The following CDK15 variants were observed in gnomAD, a reference collection of about 807,000 sequenced individuals.
CDK15 encodes cyclin dependent kinase 15, also known as cyclin-dependent kinase 15.
Under a neutral mutation model 60.3 loss-of-function variants are expected in CDK15, and 62 were observed. The ratio of observed to expected loss-of-function variants is 1.03; its 90% CI spans 0.84 to 1.27. The LOEUF (loss-of-function observed/expected upper bound fraction) is 1.27. Among genes scored for constraint, CDK15 ranks in the 50% most tolerant of loss-of-function variants. CDK15 has a pLI of 0.00. For synonymous variants in CDK15, 194 were observed against 195.7 expected (o/e 0.99, Z 0.07); for missense variants, 541 against 527.8 (o/e 1.03, Z -0.25).
At chr2:201,831,335 T>TC (rs935683805) in intron 6 of CDK15, among the ~76,000 whole-genome samples, 5 of 152,102 alleles carry the variant, frequency 3.3e-5, no homozygotes, top group African/African-American at 1.2e-4. Context: ...ATTATTTTGT[T>TC]CCCCCAAAAC....
chr2:201,833,773 A>G, intron 6 of CDK15, 75 bp from the exon 7 acceptor site: 1 of 1,386,508 alleles, frequency 7.2e-7, no homozygotes, highest in African/African-American at 1.6e-5. Flanking sequence ...CTTTGAGATG[A>G]CTGTTTTTGA....
In CDK15 at chr2:201,807,592, G is replaced by A; in HGVS notation, c.222G>A (p.Arg74=). The A allele has an allele frequency of 6.2e-7, 1 of 1,614,198 alleles. No individual in the cohort carries two copies. The highest frequency in any genetic ancestry group is 1.6e-4 in the Middle Eastern group (1 of 6,062). ...AGAAGTTCAAGAGTAAAAGGCCACG[G>A]AGTAACAGTGATTGTTTTCAGGAAG... The part of the protein sequence containing the change: ...RAQKFKSKRP[R]SNSDCFQEED... The change falls in exon 2 of 14, where the codon CGG becomes CGA. Residue 74 remains arginine, a synonymous_variant. Transcript: ENST00000652192.
chr2:201,866,189 G>T (rs986555588), intron 10 of CDK15, among the ~76,000 whole-genome samples: 1 of 152,088 alleles, frequency 6.6e-6, no homozygotes, highest in Non-Finnish European at 1.5e-5. Flanking sequence ...AGAATGCATT[G>T]TATTCAGGAA....
Position 201,870,339 on chromosome 2 carries a change from A to G in CDK15, c.1010-1939A>G, listed in dbSNP as rs76105798. Among the ~76,000 whole-genome samples the G allele has an allele frequency of 3.8e-4, 58 of 152,270 alleles. No individual in the cohort carries two copies. The East Asian group carries it at 9.4e-3, about 25-fold the overall frequency. ...ATTATCAAATTAATTTTTGCCCAAC[A>G]TGATTAAATTCTTTGTTGTGATGAA... On this transcript the variant is annotated intron_variant, in intron 10 of 13. Transcript: ENST00000652192.
At chr2:201,873,340 T>C (rs1371828480) in intron 11 of CDK15, among the ~76,000 whole-genome samples, 1 of 152,138 alleles carries the variant, frequency 6.6e-6, no homozygotes, top group East Asian at 1.9e-4. Context: ...CTGAAACCTT[T>C]TGGAGACAGG....
intron 12 of CDK15, among the ~76,000 whole-genome samples, chr2:201,881,391 C>T (rs567861123): frequency 9.9e-5 from 15 of 152,212 alleles, no homozygotes; most frequent in African/African-American, 3.4e-4. Flanking sequence ...GTGTCAAGAA[C>T]ATATTGAGTG....
At chr2:201,818,585 T>C (rs1413349859) in intron 4 of CDK15, among the ~76,000 whole-genome samples, 1 of 152,232 alleles carries the variant, frequency 6.6e-6, no homozygotes, top group Admixed American at 6.5e-5. Context: ...GCTGTAGGCA[T>C]TTCAGATCCC....
At chr2:201,828,040 A>G (rs975070721) in intron 6 of CDK15, among the ~76,000 whole-genome samples, 2 of 152,228 alleles carry the variant, frequency 1.3e-5, no homozygotes, top group Non-Finnish European at 2.9e-5. Context: ...TAATGTGAGC[A>G]TGAGGAGGAA....
At chr2:201,821,069 G>A (rs1454713715) in intron 4 of CDK15, among the ~76,000 whole-genome samples, 1 of 152,172 alleles carries the variant, frequency 6.6e-6, no homozygotes, top group Non-Finnish European at 1.5e-5. Context: ...CTGGTTTGCT[G>A]TGCATTCATT....
At chr2:201,834,205 C>A (rs1312883286) in intron 7 of CDK15, among the ~76,000 whole-genome samples, 2 of 152,150 alleles carry the variant, frequency 1.3e-5, no homozygotes, top group African/African-American at 2.4e-5. Context: ...GCTGGGCACC[C>A]TTGCTGCCCC....
intron 9 of CDK15, among the ~76,000 whole-genome samples, chr2:201,851,684 G>A (rs956187231): frequency 1.3e-5 from 2 of 151,614 alleles, no homozygotes; most frequent in South Asian, 4.2e-4. Flanking sequence ...TTTGGAGACC[G>A]AGTCTCACTC....
chr2:201,813,084 C>T (rs1695841542), intron 4 of CDK15, among the ~76,000 whole-genome samples: 1 of 152,176 alleles, frequency 6.6e-6, no homozygotes, highest in Non-Finnish European at 1.5e-5. Flanking sequence ...CCACCAATCA[C>T]TAGTGGTATG....
At chr2:201,880,527 A>ACAAGACTCTTCTCCCTTTCTG (rs1415971887) in intron 12 of CDK15, among the ~76,000 whole-genome samples, 1 of 152,220 alleles carries the variant, frequency 6.6e-6, no homozygotes, top group East Asian at 1.9e-4. Context: ...AGTGTTTCTA[A>ACAAGACTCTTCTCCCTTTCTG]CAAGACTCTT....
At chr2:201,849,639 A>G (rs1197674303) in intron 9 of CDK15, among the ~76,000 whole-genome samples, 1 of 152,200 alleles carries the variant, frequency 6.6e-6, no homozygotes, top group Non-Finnish European at 1.5e-5. Context: ...ATACGTAAAT[A>G]TATGTGAAAC....
chr2:201,834,055 C>T (rs1352715175), intron 7 of CDK15, 84 bp downstream of exon 7: 1 of 1,467,220 alleles, frequency 6.8e-7, no homozygotes. Context: ...TGGGCCTGGC[C>T]TTTGAAAACT....
chr2:201,807,583 AAGG>A lies in CDK15; in HGVS notation c.214_216del (p.Arg72del). 6.2e-7 allele frequency: 1 copy of A among 1,614,186 alleles called. No individual in the cohort carries two copies. The highest frequency in any genetic ancestry group is 8.5e-7 in the Non-Finnish European group (1 of 1,180,018). ...CCCGTGCCCAGAAGTTCAAGAGTAA[AAGG>A]CCACGGAGTAACAGTGATTGTTTTC... On this transcript the variant is annotated inframe_deletion, in exon 2 of 14. Transcript: ENST00000652192.
intron 13 of CDK15, among the ~76,000 whole-genome samples, chr2:201,891,689 T>C (rs115359828): frequency 0.016 from 2,474 of 152,228 alleles, 23 homozygotes; most frequent in Middle Eastern, 0.048. Context: ...CACCGTAGTA[T>C]AGACAACCCT....
chr2:201,808,086 GA>G, intron 3 of CDK15, 134 bp downstream of exon 3: 1 of 636,152 alleles, frequency 1.6e-6, no homozygotes, highest in Non-Finnish European at 2.6e-6. Context: ...GGCCGACAGG[GA>G]GAGAGACATG....
At chr2:201,806,891 C>T in intron 1 of CDK15, 104 bp downstream of exon 1, 1 of 1,279,994 alleles carries the variant, frequency 7.8e-7, no homozygotes, top group East Asian at 2.5e-5. Flanking sequence ...TAGGTCTAAA[C>T]CAATAAAATG....
Sources: gnomAD v4.1 joint callset for allele counts (sites outside exome capture counted in the v4.1 genomes callset) on GRCh38, gnomAD v4.1.1 for gene constraint, MANE v1.5 for transcripts, NCBI Gene and HGNC (gene_info 2026-07-23, HGNC 2026-07-21) for gene names.